The following NAGK variants were observed in gnomAD, a reference collection of about 807,000 sequenced individuals.
NAGK encodes the protein N-acetyl-D-glucosamine kinase.
NAGK carries 35 observed loss-of-function variants against 42.9 expected under a neutral mutation model. That is an observed-to-expected ratio of 0.82 (90% confidence interval 0.62 to 1.08). The LOEUF (loss-of-function observed/expected upper bound fraction) is 1.08, where lower values mean the gene tolerates loss of function less well. NAGK is among the 50% of genes least tolerant of loss of function. The pLI is 0.00. For synonymous variants in NAGK, 172 were observed against 176.0 expected, an observed-to-expected ratio of 0.98 and a Z score of 0.18; for missense variants, 446 against 446.0, an observed-to-expected ratio of 1.00 and a Z score of 0.00.
intron 9 of NAGK, among the ~76,000 whole-genome samples, 190 bp downstream of exon 9, chr2:71,077,826 C>T (rs1268022070): frequency 6.6e-6 from 1 of 152,220 alleles, no homozygotes; most frequent in Non-Finnish European, 1.5e-5. Flanking sequence ...TCCCATCCAC[C>T]TTCCTTGAAC....
At chr2:71,072,914 G>T (rs1188429684) in intron 5 of NAGK, 163 bp downstream of exon 5, 15 of 711,584 alleles carry the variant, frequency 2.1e-5, no homozygotes, top group African/African-American at 3.5e-5. Context: ...GATCATAGAG[G>T]TGCAAATGCT....
Position 71,070,798 on chromosome 2 carries a change from CG to C in NAGK, c.174del (p.Ala60GlnfsTer16). 1 of 1,614,136 alleles carries C rather than the reference CG, an allele frequency of 6.2e-7. No individual in the cohort carries two copies. Among genetic ancestry groups the C allele is most frequent in the Non-Finnish European group, 8.5e-7 (1 of 1,180,030 alleles). On this transcript the variant is annotated frameshift_variant, in exon 3 of 10. Coordinates refer to ENST00000244204, the MANE Select transcript of NAGK (RefSeq NM_017567.6). LOFTEE classifies it high-confidence loss of function. ...CAATGAGATGGTGAACAGGGCCAAA[CG>C]GAAAGCAGGGGTGGATCCTCTGGTA... ...RINEMVNRAK[R>X]KAGVDPLVPL...
At position 71,077,611 on chromosome 2, in the gene NAGK, G is replaced by T. The variant is rs755216324; in HGVS notation, c.819G>T (p.Trp273Cys). 1.2e-6 allele frequency: 2 copies of T among 1,608,606 alleles called. No individual in the cohort carries two copies. The highest frequency in any genetic ancestry group is 3.3e-4 in the Middle Eastern group (2 of 6,056). ...GLPILCVGSV[W>C]KSWELLKEGF... ...CCATCCTGTGCGTGGGCTCTGTGTG[G>T]AAGAGCTGGGAGCTGCTGAAGGAAG... Residue 273 changes from tryptophan to cysteine, a missense_variant, in exon 9 of 10, where the codon TGG becomes TGT. Coordinates refer to ENST00000244204, the MANE Select transcript of NAGK (RefSeq NM_017567.6).
At chr2:71,077,728 GCTTC>G in intron 9 of NAGK, 92 bp downstream of exon 9, 1 of 1,392,300 alleles carries the variant, frequency 7.2e-7, no homozygotes, top group Non-Finnish European at 9.9e-7. Flanking sequence ...GAGAGAACCT[GCTTC>G]CTGGACCCTG....
intron 5 of NAGK, 97 bp downstream of exon 5, chr2:71,072,848 G>A (rs946509724): frequency 9.1e-7 from 1 of 1,094,314 alleles, no homozygotes; most frequent in East Asian, 2.6e-5. Context: ...GAGCCCTTGG[G>A]GCTTCCTGGG....
At chr2:71,075,011 C>A (rs1672158243) in intron 6 of NAGK, 1 of 152,506 alleles carries the variant, frequency 6.6e-6, no homozygotes, top group Non-Finnish European at 1.5e-5. Context: ...GAAGGACCTA[C>A]CTTCTGTGGT....
chr2:71,071,209 A>G (rs1282334495), intron 3 of NAGK: 1 of 336,944 alleles, frequency 3.0e-6, no homozygotes. Context: ...GATACATTGC[A>G]AAGTGGTTAG....
At chr2:71,076,511 G>GT in intron 7 of NAGK, 93 bp from the exon 8 acceptor site, 1 of 1,040,860 alleles carries the variant, frequency 9.6e-7, no homozygotes, top group Non-Finnish European at 1.4e-6. Context: ...GGGTGCTCCT[G>GT]TGATGGCTGC....
chr2:71,076,568 C>T, intron 7 of NAGK, 36 bp from the exon 8 acceptor site: 1 of 1,529,894 alleles, frequency 6.5e-7, no homozygotes, highest in South Asian at 1.1e-5. Context: ...TCCCTCCTTT[C>T]TCACCAGTTT....
chr2:71,077,421 C>A, intron 8 of NAGK, 137 bp from the exon 9 acceptor site: 1 of 760,710 alleles, frequency 1.3e-6, no homozygotes, highest in Non-Finnish European at 2.2e-6. Context: ...TTTTTTTCCC[C>A]TTTCCTGAGT....
In NAGK at chr2:71,068,685, TG is replaced by T; in HGVS notation, c.4del (p.Ala2?). On this transcript the variant is annotated frameshift_variant and start_lost, in exon 1 of 10. Transcript: ENST00000244204. LOFTEE classifies it high-confidence loss of function. MAAIYGGVEGG... is the reference protein window; with the variant it reads XAAIYGGVEGG... ...ACCAGCAGCGACGGTAGCAGCAGCATGGCCGCGATCTATGGGGGTGTAGAGG... is the reference window on the plus strand; with the variant it reads ...ACCAGCAGCGACGGTAGCAGCAGCATGCCGCGATCTATGGGGGTGTAGAGG... The T allele has an allele frequency of 6.6e-7, 1 of 1,519,462 alleles. No individual in the cohort carries two copies. Among genetic ancestry groups the T allele is most frequent in the Non-Finnish European group, 8.8e-7 (1 of 1,133,722 alleles). 94.1% of individuals were successfully genotyped at this position (1,519,462 alleles called of 1,614,324 possible).
chr2:71,071,503 G>A (rs1282473591), intron 3 of NAGK, 183 bp from the exon 4 acceptor site: 1 of 792,026 alleles, frequency 1.3e-6, no homozygotes, highest in Non-Finnish European at 1.9e-6. Flanking sequence ...CCCCAGTCCA[G>A]GTTGTTCTTA....
intron 4 of NAGK, 136 bp from the exon 5 acceptor site, chr2:71,072,505 C>T: frequency 6.0e-6 from 4 of 664,354 alleles, no homozygotes; most frequent in South Asian, 5.5e-5. Flanking sequence ...ACTAGCTGGG[C>T]TCAGTTTTCT....
chr2:71,071,276 C>G, intron 3 of NAGK: 1 of 271,630 alleles, frequency 3.7e-6, no homozygotes, highest in South Asian at 5.8e-5. Flanking sequence ...ACTCCTGGTT[C>G]AGATCTTTCT....
intron 4 of NAGK, chr2:71,072,440 G>A (rs1275142280): frequency 3.7e-6 from 2 of 540,728 alleles, no homozygotes; most frequent in Non-Finnish European, 6.7e-6. Flanking sequence ...CCTAGACGAG[G>A]GCGTTATGGG....
At chr2:71,069,096 TGGGA>T (rs762177804) in intron 1 of NAGK, 23 of 1,020,374 alleles carry the variant, frequency 2.3e-5, no homozygotes, top group Non-Finnish European at 2.7e-5. Context: ...GGGTGGGGAG[TGGGA>T]GTGGGGAGAA....
At chr2:71,077,813 A>G (rs1260336942) in intron 9 of NAGK, among the ~76,000 whole-genome samples, 177 bp downstream of exon 9, 1 of 152,192 alleles carries the variant, frequency 6.6e-6, no homozygotes, top group Admixed American at 6.5e-5. Context: ...CCCTTTAATG[A>G]TGTCCCATCC....
At chr2:71,074,056 C>T (rs1672124480) in intron 6 of NAGK, among the ~76,000 whole-genome samples, 3 of 152,150 alleles carry the variant, frequency 2.0e-5, no homozygotes, top group African/African-American at 7.2e-5. Context: ...GCATCTTCCT[C>T]CTCTGGGCGT....
intron 7 of NAGK, 67 bp downstream of exon 7, chr2:71,075,709 G>A (rs1163612449): frequency 1.4e-6 from 2 of 1,448,074 alleles, no homozygotes; most frequent in Non-Finnish European, 1.9e-6. Context: ...GGGAGATTGA[G>A]TGGGGTTCAG....
Sources: gnomAD v4.1 joint callset for allele counts (sites outside exome capture counted in the v4.1 genomes callset) on GRCh38, gnomAD v4.1.1 for gene constraint, MANE v1.5 for transcripts, NCBI Gene and HGNC (gene_info 2026-07-23, HGNC 2026-07-21) for gene names.